The following PLCE1 variants were observed in gnomAD, a reference collection of about 807,000 sequenced individuals.
PLCE1 encodes the protein 1-phosphatidylinositol 4,5-bisphosphate phosphodiesterase epsilon-1.
In PLCE1, 119 loss-of-function variants were observed where a neutral mutation model predicts 242.8. The ratio of observed to expected loss-of-function variants is 0.49; its 90% CI spans 0.42 to 0.57. The LOEUF is 0.57. Ranked by LOEUF, PLCE1 falls within the 20% of genes least tolerant of loss-of-function variation. The pLI, the probability that PLCE1 is intolerant of heterozygous loss-of-function variation, is 0.00. For synonymous variants in PLCE1, 945 were observed against 1,017.4 expected, an observed-to-expected ratio of 0.93 and a Z score of 1.35; for missense variants, 2,441 against 2,788.8, an observed-to-expected ratio of 0.88 and a Z score of 2.81.
intron 2 of PLCE1, among the ~76,000 whole-genome samples, chr10:94,086,098 G>T (rs988996884): frequency 6.6e-6 from 1 of 152,140 alleles, no homozygotes; most frequent in Admixed American, 6.5e-5. Context: ...GAGCAGGCAG[G>T]CATGTGATTA....
At chr10:94,255,112 A>G (rs2051025076) in intron 11 of PLCE1, 63 bp downstream of exon 11, 10 of 1,546,818 alleles carry the variant, frequency 6.5e-6, no homozygotes, top group Non-Finnish European at 8.9e-6. Flanking sequence ...GTGGAAGGGC[A>G]TATCTTTACA....
At chr10:94,079,856 A>C (rs1273058045) in intron 2 of PLCE1, among the ~76,000 whole-genome samples, 1 of 152,210 alleles carries the variant, frequency 6.6e-6, no homozygotes, top group Non-Finnish European at 1.5e-5. Context: ...TCCAAAAAGC[A>C]TATGCAAGGA....
At chr10:94,283,683 T>C in intron 20 of PLCE1, 107 bp from the exon 21 acceptor site, 1 of 1,206,342 alleles carries the variant, frequency 8.3e-7, no homozygotes, top group East Asian at 2.5e-5. Context: ...AGAGCCTCAT[T>C]CTTATAGATA....
At chr10:94,145,341 C>T (rs1375275230) in intron 3 of PLCE1, among the ~76,000 whole-genome samples, 1 of 152,032 alleles carries the variant, frequency 6.6e-6, no homozygotes, top group African/African-American at 2.4e-5. Flanking sequence ...GTGGTGTAGA[C>T]TACAAAGGGG....
At chr10:94,018,333 T>G (rs1306865375) in intron 1 of PLCE1, among the ~76,000 whole-genome samples, 1 of 152,178 alleles carries the variant, frequency 6.6e-6, no homozygotes, top group Non-Finnish European at 1.5e-5. Context: ...TACTTTGACC[T>G]GCTATGAGAA....
chr10:94,326,317 AT>A (rs2054012978), intron 32 of PLCE1, among the ~76,000 whole-genome samples: 1 of 152,188 alleles, frequency 6.6e-6, no homozygotes, highest in Admixed American at 6.5e-5. Flanking sequence ...CCAGAGCCAA[AT>A]TTTACTTAAA....
chr10:94,301,384 A>C (rs1213401136), intron 24 of PLCE1, among the ~76,000 whole-genome samples: 1 of 152,098 alleles, frequency 6.6e-6, no homozygotes, highest in Non-Finnish European at 1.5e-5. Flanking sequence ...ATAGATAGAT[A>C]GATCGAATAG....
At chr10:94,217,465 T>C (rs1255113922) in intron 4 of PLCE1, among the ~76,000 whole-genome samples, 8 of 152,176 alleles carry the variant, frequency 5.3e-5, no homozygotes, top group East Asian at 1.9e-4. Flanking sequence ...TAGGACCCTA[T>C]TCTAGGGCCA....
chr10:94,072,072 A>G (rs564059484), intron 2 of PLCE1, among the ~76,000 whole-genome samples: 29 of 151,830 alleles, frequency 1.9e-4, no homozygotes, highest in Non-Finnish European at 3.8e-4. Flanking sequence ...AATGGCTAAA[A>G]CTCTTTCTGA....
rs2050329473 is a variant in PLCE1 at position 94,236,501 on chromosome 10, G to A, written c.2420+381G>A. On this transcript the variant is annotated intron_variant, in intron 7 of 32. Transcript: ENST00000371380. ...TTTTAATTCTTGGGTGGGGTACTAG[G>A]GTGGGTATTAAGATATTTTTAAATC... 2.6e-5 allele frequency among the ~76,000 whole-genome samples: 4 copies of A among 152,098 alleles called. No individual in the cohort carries two copies. The South Asian group carries it at 8.3e-4, about 32-fold the overall frequency.
chr10:94,266,155 G>A (rs1454075280), intron 16 of PLCE1, among the ~76,000 whole-genome samples, 197 bp downstream of exon 16: 2 of 151,572 alleles, frequency 1.3e-5, no homozygotes, highest in African/African-American at 4.8e-5. Flanking sequence ...CTTTTGTTTT[G>A]TTTTCCCCCA....
chr10:94,144,054 G>A (rs907123086), intron 3 of PLCE1, among the ~76,000 whole-genome samples: 3 of 152,198 alleles, frequency 2.0e-5, no homozygotes, highest in Non-Finnish European at 4.4e-5. Flanking sequence ...TGTTGTGGAT[G>A]ATCTGGGAAC....
chr10:94,270,978 G>GT (rs1271397577), intron 18 of PLCE1, among the ~76,000 whole-genome samples: 5 of 151,990 alleles, frequency 3.3e-5, no homozygotes, highest in African/African-American at 1.2e-4. Flanking sequence ...CCGTCATTAG[G>GT]TTTAAATGAG....
intron 1 of PLCE1, among the ~76,000 whole-genome samples, chr10:94,022,033 T>G (rs2061384297): frequency 6.6e-6 from 1 of 151,982 alleles, no homozygotes; most frequent in Admixed American, 6.6e-5. Context: ...GCATCATAAT[T>G]GAAGATTCTA....
chr10:94,290,476 A>T (rs889474212), intron 22 of PLCE1, among the ~76,000 whole-genome samples: 2 of 110,598 alleles, frequency 1.8e-5, no homozygotes, highest in African/African-American at 7.0e-5. Context: ...TTAAAAACAG[A>T]TACAAGCACC....
chr10:94,148,949 C>A (rs1452785816), intron 3 of PLCE1, among the ~76,000 whole-genome samples: 3 of 152,160 alleles, frequency 2.0e-5, no homozygotes, highest in Admixed American at 1.3e-4. Context: ...GCTGCCATGG[C>A]TATTCCAGAA....
intron 2 of PLCE1, among the ~76,000 whole-genome samples, chr10:94,068,723 G>C (rs2044269536): frequency 6.6e-6 from 1 of 152,218 alleles, no homozygotes. Context: ...TTTTACAGGT[G>C]AGGAAACTGA....
chr10:94,248,958 G>C (rs2050781529), intron 8 of PLCE1, among the ~76,000 whole-genome samples: 1 of 152,264 alleles, frequency 6.6e-6, no homozygotes, highest in East Asian at 1.9e-4. Flanking sequence ...ACCACGAACG[G>C]CAGGTGAAGA....
intron 4 of PLCE1, among the ~76,000 whole-genome samples, chr10:94,180,637 C>T (rs1224902778): frequency 2.0e-5 from 3 of 152,182 alleles, no homozygotes; most frequent in African/African-American, 7.2e-5. Flanking sequence ...ACACCCTTAG[C>T]GGTGATGGTG....
Sources: allele counts gnomAD v4.1 joint callset (sites outside exome capture counted in the v4.1 genomes callset), GRCh38; gene constraint gnomAD v4.1.1; transcripts MANE v1.5; gene names NCBI Gene and HGNC (gene_info 2026-07-23, HGNC 2026-07-21).